The following IGSF11 variants were observed in gnomAD, a reference collection of about 807,000 sequenced individuals.
IGSF11 encodes the protein CXADR like 1.
IGSF11 carries 22 observed loss-of-function variants against 41.0 expected under a neutral mutation model. The ratio of observed to expected loss-of-function variants is 0.54; its 90% CI spans 0.38 to 0.77. The LOEUF (loss-of-function observed/expected upper bound fraction) is 0.77, where lower values mean the gene tolerates loss of function less well. IGSF11 is among the 30% of genes least tolerant of loss of function. IGSF11 has a pLI of 0.00. For missense variants in IGSF11, 444 were observed against 530.8 expected (o/e 0.84, Z 1.61); for synonymous variants, 219 against 201.3 (o/e 1.09, Z -0.74).
chr3:118,964,319 C>T (rs1945530026), intron 1 of IGSF11, among the ~76,000 whole-genome samples: 1 of 152,018 alleles, frequency 6.6e-6, no homozygotes, highest in Non-Finnish European at 1.5e-5. Flanking sequence ...CTAATCATAG[C>T]GTTCCATAGA....
intron 1 of IGSF11, among the ~76,000 whole-genome samples, chr3:118,933,465 ATT>A (rs374086198): frequency 2.9e-4 from 28 of 98,062 alleles, no homozygotes; most frequent in Admixed American, 5.5e-4. Flanking sequence ...TATAACATGT[ATT>A]TTTTATATAT....
chr3:119,031,131 C>T (rs1940355877), intron 1 of IGSF11, among the ~76,000 whole-genome samples: 1 of 152,100 alleles, frequency 6.6e-6, no homozygotes, highest in Non-Finnish European at 1.5e-5. Flanking sequence ...GTGGTATGCG[C>T]CTGTAATCCT....
chr3:119,040,737 C>T (rs1941087803), intron 1 of IGSF11, among the ~76,000 whole-genome samples: 1 of 152,126 alleles, frequency 6.6e-6, no homozygotes, highest in Non-Finnish European at 1.5e-5. Context: ...CATGTAGATA[C>T]TGAATAAATA....
intron 1 of IGSF11, among the ~76,000 whole-genome samples, chr3:119,004,659 T>G (rs1394256184): frequency 7.4e-5 from 11 of 148,672 alleles, no homozygotes; most frequent in Non-Finnish European, 1.5e-4. Context: ...TCTGGTATGT[T>G]GTGTCTTTGT....
intron 1 of IGSF11, chr3:119,112,783 T>C (rs2077199205): frequency 6.6e-6 from 1 of 152,438 alleles, no homozygotes; most frequent in Non-Finnish European, 1.5e-5. Flanking sequence ...ATTCATCTGT[T>C]GATGAACACA....
Position 118,901,749 on chromosome 3 carries a change from TA to T in IGSF11, c.*770del, listed in dbSNP as rs59573563. On this transcript the variant is annotated 3_prime_UTR_variant, in exon 7 of 7. Coordinates refer to ENST00000393775, the MANE Select transcript of IGSF11 (RefSeq NM_001015887.3). ...CTTAGCCCAATGCCTCTCATGTATTTAAAAAAAAAAAAAAGCCTTTTATAAA... is the reference window on the plus strand; with the variant it reads ...CTTAGCCCAATGCCTCTCATGTATTTAAAAAAAAAAAAAGCCTTTTATAAA... The T allele has an allele frequency of 0.28, 39,169 of 142,208 alleles. 6,617 individuals carry two copies. The highest frequency in any genetic ancestry group is 0.49 in the African/African-American group (19,230 of 39,358). 8.8% of individuals were successfully genotyped at this position (142,208 alleles called of 1,614,324 possible).
At position 118,906,056 on chromosome 3, in the gene IGSF11, G is replaced by C. The variant is rs115687754; in HGVS notation, c.581-338C>G. On this transcript the variant is annotated intron_variant, in intron 4 of 6. Transcript: ENST00000393775. ...GAATTTAAGGTAACACCAAATTCTA[G>C]TTCTGAGGAACTGCAATAACATAAA... is the stretch of plus-strand genomic sequence containing the variant. Among the ~76,000 whole-genome samples, 1,285 of 152,258 alleles carry C rather than the reference G, an allele frequency of 8.4e-3. 18 individuals carry two copies. Among genetic ancestry groups the C allele is most frequent in the African/African-American group, 0.03 (1,230 of 41,538 alleles).
intron 1 of IGSF11, among the ~76,000 whole-genome samples, chr3:119,025,094 G>A (rs1484104056): frequency 6.6e-6 from 1 of 152,100 alleles, no homozygotes; most frequent in East Asian, 1.9e-4. Context: ...TTAATTCTGA[G>A]GATAGAAATT....
intron 1 of IGSF11, among the ~76,000 whole-genome samples, chr3:118,990,306 A>G (rs191629479): frequency 5.3e-5 from 8 of 152,368 alleles, no homozygotes; most frequent in East Asian, 3.9e-4. Context: ...TGTGAAGTGA[A>G]GAGAACCTGC....
At chr3:119,043,004 G>C (rs918632408) in intron 1 of IGSF11, among the ~76,000 whole-genome samples, 1 of 152,314 alleles carries the variant, frequency 6.6e-6, no homozygotes. Flanking sequence ...ACGGATTCCA[G>C]GGAATGGAAT....
At chr3:118,977,104 T>C (rs1480611102) in intron 1 of IGSF11, among the ~76,000 whole-genome samples, 2 of 152,210 alleles carry the variant, frequency 1.3e-5, no homozygotes, top group African/African-American at 4.8e-5. Context: ...ATTATCATAA[T>C]GTCTGCTTTG....
At chr3:119,033,887 A>T (rs1459262995) in intron 1 of IGSF11, among the ~76,000 whole-genome samples, 3 of 152,236 alleles carry the variant, frequency 2.0e-5, no homozygotes, top group African/African-American at 7.2e-5. Flanking sequence ...CAGATGTTTT[A>T]AAAACCGTTA....
intron 1 of IGSF11, among the ~76,000 whole-genome samples, chr3:119,061,197 C>T (rs1942041350): frequency 6.6e-6 from 1 of 151,982 alleles, no homozygotes; most frequent in Non-Finnish European, 1.5e-5. Flanking sequence ...ATATTAATAC[C>T]ATGTATTCTT....
intron 6 of IGSF11, among the ~76,000 whole-genome samples, chr3:118,904,299 A>T (rs1186312000): frequency 6.6e-6 from 1 of 152,100 alleles, no homozygotes; most frequent in Non-Finnish European, 1.5e-5. Context: ...TTCTTGCTTT[A>T]TGTTCACATC....
intron 1 of IGSF11, among the ~76,000 whole-genome samples, chr3:119,091,995 G>C (rs1047148574): frequency 1.2e-4 from 5 of 42,502 alleles, no homozygotes; most frequent in African/African-American, 1.6e-4. Flanking sequence ...GGTTTTTTTG[G>C]GGGGGGGGGG....
intron 1 of IGSF11, among the ~76,000 whole-genome samples, chr3:119,122,184 T>A (rs1022806011): frequency 6.6e-6 from 1 of 152,368 alleles, no homozygotes; most frequent in South Asian, 2.1e-4. Flanking sequence ...ATTGCTGATG[T>A]TACCCCTTCC....
At chr3:119,132,071 T>A (rs960214955) in intron 1 of IGSF11, among the ~76,000 whole-genome samples, 4 of 152,048 alleles carry the variant, frequency 2.6e-5, no homozygotes, top group African/African-American at 9.7e-5. Context: ...TGGAAAGGAA[T>A]GACCAGTACC....
At chr3:119,140,243 G>C (rs754637570) in intron 1 of IGSF11, among the ~76,000 whole-genome samples, 1 of 151,994 alleles carries the variant, frequency 6.6e-6, no homozygotes, top group African/African-American at 2.4e-5. Context: ...ACAAACTTTA[G>C]ATCAAAAGAC....
chr3:119,015,418 T>C (rs1250830388), intron 1 of IGSF11, among the ~76,000 whole-genome samples: 2 of 152,194 alleles, frequency 1.3e-5, no homozygotes, highest in Non-Finnish European at 2.9e-5. Context: ...AAGGAATCCG[T>C]TATAAACCTG....
Sources: gnomAD v4.1 joint callset for allele counts (sites outside exome capture counted in the v4.1 genomes callset) on GRCh38, gnomAD v4.1.1 for gene constraint, MANE v1.5 for transcripts, NCBI Gene and HGNC (gene_info 2026-07-23, HGNC 2026-07-21) for gene names.